Variants in RTTN observed in about 807,000 individuals in gnomAD.
RTTN encodes rotatin.
Under a neutral mutation model 269.2 loss-of-function variants are expected in RTTN, and 182 were observed. That is an observed-to-expected ratio of 0.68 (90% confidence interval 0.60 to 0.76). The LOEUF (loss-of-function observed/expected upper bound fraction) is 0.76. Among genes scored for constraint, RTTN ranks in the 30% least tolerant of loss-of-function variants. RTTN has a pLI of 0.00. For synonymous variants in RTTN, 1,006 were observed against 963.5 expected (o/e 1.04, Z -0.82); for missense variants, 2,545 against 2,608.6 (o/e 0.98, Z 0.53).
chr18:70,165,805 A>G (rs1173161079), intron 14 of RTTN, among the ~76,000 whole-genome samples: 1 of 152,190 alleles, frequency 6.6e-6, no homozygotes, highest in Non-Finnish European at 1.5e-5. Flanking sequence ...TTTCCTTATA[A>G]TTTTTCCATC....
chr18:70,204,684 T>A (rs2062032964), intron 2 of RTTN, among the ~76,000 whole-genome samples: 1 of 152,228 alleles, frequency 6.6e-6, no homozygotes, highest in Non-Finnish European at 1.5e-5. Flanking sequence ...CCCCGATAAC[T>A]AACTACTCTT....
At chr18:70,133,966 T>A (rs1156616883) in intron 23 of RTTN, among the ~76,000 whole-genome samples, 4 of 152,098 alleles carry the variant, frequency 2.6e-5, no homozygotes, top group Non-Finnish European at 2.9e-5. Context: ...CAAAAGATAC[T>A]TGGAGATAAC....
chr18:70,006,762 A>C (rs2056201863), intron 46 of RTTN: 3 of 333,240 alleles, frequency 9.0e-6, no homozygotes. Flanking sequence ...TAAAGACCAC[A>C]AGTGTGTAAA....
intron 40 of RTTN, among the ~76,000 whole-genome samples, chr18:70,041,051 AT>A (rs1439580471): frequency 3.9e-5 from 6 of 151,952 alleles, no homozygotes; most frequent in African/African-American, 1.4e-4. Context: ...TGCGAAAAAT[AT>A]AAAAATTAGC....
At chr18:70,173,531 T>C (rs2007671) in intron 11 of RTTN, among the ~76,000 whole-genome samples, 14,950 of 149,828 alleles carry the variant, frequency 0.1, 1,609 homozygotes, top group African/African-American at 0.27. Context: ...GTTTGGACTA[T>C]ATGCTCTACA....
chr18:70,195,354 G>A (rs761980473), intron 7 of RTTN, among the ~76,000 whole-genome samples: 26 of 151,720 alleles, frequency 1.7e-4, no homozygotes, highest in Non-Finnish European at 3.5e-4. Context: ...CAACCACGTT[G>A]TGTCACATCA....
intron 22 of RTTN, among the ~76,000 whole-genome samples, chr18:70,134,753 T>C (rs2060082681): frequency 6.6e-6 from 1 of 152,120 alleles, no homozygotes. Context: ...ACATAACAAA[T>C]GATTCATACA....
At chr18:70,138,076 C>T (rs879748328) in intron 21 of RTTN, among the ~76,000 whole-genome samples, 3 of 152,088 alleles carry the variant, frequency 2.0e-5, no homozygotes, top group Non-Finnish European at 2.9e-5. Flanking sequence ...GTCAGGAGTT[C>T]GAGACCAGCC....
intron 33 of RTTN, 151 bp downstream of exon 33, chr18:70,075,201 G>C: frequency 1.8e-6 from 1 of 542,920 alleles, no homozygotes; most frequent in Non-Finnish European, 3.1e-6. Context: ...AAGACGGGAA[G>C]AAAATACATC....
chr18:70,173,623 A>C, intron 11 of RTTN, among the ~76,000 whole-genome samples: 1 of 152,170 alleles, frequency 6.6e-6, no homozygotes, highest in East Asian at 1.9e-4. Flanking sequence ...AGTTTTCATA[A>C]TTTCTCCCAT....
chr18:70,041,548 A>G (rs1341288584), intron 40 of RTTN, among the ~76,000 whole-genome samples: 1 of 152,156 alleles, frequency 6.6e-6, no homozygotes. Context: ...AGCACCAGGC[A>G]TCCCTGGACG....
intron 28 of RTTN, among the ~76,000 whole-genome samples, chr18:70,096,733 C>A (rs1355206018): frequency 1.3e-5 from 2 of 152,188 alleles, no homozygotes; most frequent in African/African-American, 2.4e-5. Flanking sequence ...TGTCTGTCAA[C>A]CCCTGCTGGG....
intron 32 of RTTN, among the ~76,000 whole-genome samples, chr18:70,084,242 AT>A (rs930318583): frequency 6.1e-5 from 9 of 147,516 alleles, no homozygotes; most frequent in Admixed American, 3.4e-4. Context: ...AAAAAAAAAA[AT>A]CAAATATTTA....
intron 35 of RTTN, among the ~76,000 whole-genome samples, chr18:70,062,792 T>G (rs1299046361): frequency 1.3e-5 from 2 of 152,004 alleles, no homozygotes; most frequent in African/African-American, 4.8e-5. Flanking sequence ...ATTTTATATT[T>G]TGTAGAGATA....
At position 70,149,944 on chromosome 18, in the gene RTTN, T is replaced by C. The variant is rs760356848; in HGVS notation, c.2172+27A>G. On this transcript the variant is annotated intron_variant, in intron 16 of 48. Coordinates refer to ENST00000640769, the MANE Select transcript of RTTN (RefSeq NM_173630.4). ...CACACCCAGCCAAAGATAAATGGTA[T>C]CATAAAAAGTGAATTTCACAGAATA... The C allele has an allele frequency of 2.6e-5, 36 of 1,407,810 alleles. No homozygotes were observed. The East Asian group carries it at 7.3e-4, about 29-fold the overall frequency. The allele number at this position is 1,407,810 out of a possible 1,614,324, so 87.2% of individuals were successfully genotyped here. A position where few individuals can be genotyped will look rare whatever the true frequency, so the allele number is the denominator to read the frequency against.
chr18:70,167,054 C>T (rs2061006618), intron 12 of RTTN, 23 bp from the exon 13 acceptor site: 1 of 1,461,976 alleles, frequency 6.8e-7, no homozygotes, highest in Admixed American at 1.7e-5. Context: ...CAGAATGGAA[C>T]AATAAATGTC....
At chr18:70,011,635 C>A (rs1435200288) in intron 46 of RTTN, among the ~76,000 whole-genome samples, 1 of 152,218 alleles carries the variant, frequency 6.6e-6, no homozygotes. Context: ...CAATATCACA[C>A]TGAATGGGCA....
At chr18:70,033,531 G>C (rs2057080367) in intron 40 of RTTN, among the ~76,000 whole-genome samples, 1 of 152,124 alleles carries the variant, frequency 6.6e-6, no homozygotes, top group South Asian at 2.1e-4. Flanking sequence ...AAACTAATGA[G>C]AACAATGATA....
chr18:70,156,435 A>G (rs1245391870), intron 14 of RTTN, among the ~76,000 whole-genome samples: 1 of 152,214 alleles, frequency 6.6e-6, no homozygotes, highest in Non-Finnish European at 1.5e-5. Context: ...GATGTTATCA[A>G]TGACAATGGT....
Sources: gnomAD v4.1 joint callset for allele counts (sites outside exome capture counted in the v4.1 genomes callset) on GRCh38, gnomAD v4.1.1 for gene constraint, MANE v1.5 for transcripts, NCBI Gene and HGNC (gene_info 2026-07-23, HGNC 2026-07-21) for gene names.